ANK2: variants seen among roughly 807,000 people sequenced by gnomAD.
The protein encoded by ANK2 is ankyrin-2.
ANK2 carries 83 observed loss-of-function variants against 360.5 expected under a neutral mutation model. The observed-to-expected ratio is 0.23, with a 90% confidence interval of 0.19 to 0.28. The LOEUF is 0.28. Ranked by LOEUF, ANK2 falls within the 10% of genes least tolerant of loss-of-function variation. The pLI, the probability that ANK2 is intolerant of heterozygous loss-of-function variation, is 1.00. For missense variants in ANK2, 4,201 were observed against 4,795.7 expected, an observed-to-expected ratio of 0.88 and a Z score of 3.66; for synonymous variants, 1,740 against 1,759.5, an observed-to-expected ratio of 0.99 and a Z score of 0.28.
chr4:113,113,855 T>C (rs181499739), intron 1 of ANK2, among the ~76,000 whole-genome samples: 1 of 152,154 alleles, frequency 6.6e-6, no homozygotes, highest in Non-Finnish European at 1.5e-5. Flanking sequence ...CATAGTTAAG[T>C]TTGAGCAACA....
intron 13 of ANK2, among the ~76,000 whole-genome samples, chr4:113,262,056 A>G (rs969304332): frequency 6.6e-6 from 1 of 152,184 alleles, no homozygotes; most frequent in Non-Finnish European, 1.5e-5. Context: ...TTGTCTCTAC[A>G]TAAATAAATA....
At chr4:112,755,668 A>G in the ANK2 span, 3 of 164,606 alleles carry the variant, frequency 1.8e-5, no homozygotes, top group African/African-American at 7.2e-5. Flanking sequence ...AGTTAAGGCT[A>G]TTTTCACTTC....
At position 113,363,369 on chromosome 4, in the gene ANK2, G is replaced by A; in HGVS notation, c.10788G>A (p.Glu3596=). 1 of 1,613,374 alleles carries A rather than the reference G, an allele frequency of 6.2e-7. No individual in the cohort carries two copies. Among genetic ancestry groups the A allele is most frequent in the Non-Finnish European group, 8.5e-7 (1 of 1,179,612 alleles). The change falls in exon 40 of 46, where the codon GAG becomes GAA. Residue 3596 remains glutamate (E), a synonymous_variant. Transcript: ENST00000357077. ...ELARELDFTE[E]QIHQIRIENP... is the part of the protein sequence containing the mutation. ...CAAGAGAACTGGATTTCACTGAGGA[G>A]CAAATTCATCAAATTCGAATTGAAA...
rs2077507391 is a variant in ANK2 at position 112,883,870 on chromosome 4, G to GTATATATATGTATATATATGTGTA, written c.-39-20575_-39-20552dup. ...AAATATCATTCATTCATATATATAT[G>GTATATATATGTATATATATGTGTA]TATATATATGTATATATATGTGTAT... On this transcript the variant is annotated intron_variant, in intron 1 of 30. Coordinates refer to the ANK2 transcript ENST00000503271. 2.8e-5 allele frequency among the ~76,000 whole-genome samples: 4 copies of GTATATATATGTATATATATGTGTA among 141,570 alleles called. No individual in the cohort carries two copies. In the South Asian group the frequency reaches 8.7e-4, roughly 31 times the overall value. The allele number at this position is 141,570 out of a possible 152,430, so 92.9% of individuals were successfully genotyped here.
At chr4:113,232,404 A>G (rs2099319246) in intron 5 of ANK2, 145 bp downstream of exon 5, 1 of 687,720 alleles carries the variant, frequency 1.5e-6, no homozygotes, top group South Asian at 1.6e-5. Flanking sequence ...GTGGCTGTGA[A>G]CAAATGACTC....
intron 1 of ANK2, among the ~76,000 whole-genome samples, chr4:112,819,185 TAAA>T (rs58354540): frequency 0.028 from 4,311 of 152,200 alleles, 136 homozygotes; most frequent in African/African-American, 0.07. Flanking sequence ...AGACTGAAAA[TAAA>T]TGTGTGTGGT....
chr4:112,827,641 A>G (rs1007008600), intron 1 of ANK2: 2 of 777,944 alleles, frequency 2.6e-6, no homozygotes, highest in African/African-American at 1.7e-5. Flanking sequence ...CTTGCAATTT[A>G]CTGCCAAGGA....
At chr4:113,119,667 C>A (rs1201589877) in intron 1 of ANK2, among the ~76,000 whole-genome samples, 1 of 152,104 alleles carries the variant, frequency 6.6e-6, no homozygotes, top group Non-Finnish European at 1.5e-5. Context: ...ATATCATTTT[C>A]ATATCCATTT....
At chr4:112,743,067 A>G in the ANK2 span, among the ~76,000 whole-genome samples, 1 of 152,214 alleles carries the variant, frequency 6.6e-6, no homozygotes, top group Non-Finnish European at 1.5e-5. Flanking sequence ...TTCAGACTGT[A>G]AAAGAAAATC....
chr4:112,738,661 T>A, the ANK2 span: 1 of 572,814 alleles, frequency 1.7e-6, no homozygotes, highest in Non-Finnish European at 3.4e-6. Context: ...AGCCATCTCC[T>A]CCTCAGCATC....
At chr4:112,838,639 G>A (rs2061480955) in intron 1 of ANK2, among the ~76,000 whole-genome samples, 3 of 152,196 alleles carry the variant, frequency 2.0e-5, no homozygotes, top group Non-Finnish European at 2.9e-5. Context: ...AGGCCAAGGT[G>A]AGTGGATCAC....
At chr4:113,372,164 CAT>C (rs1418622406) in intron 43 of ANK2, among the ~76,000 whole-genome samples, 9 of 152,220 alleles carry the variant, frequency 5.9e-5, no homozygotes, top group African/African-American at 2.2e-4. Context: ...GTCAGTGGCT[CAT>C]AAGTGTTTAC....
At chr4:112,826,897 A>G (rs1010605204) in intron 1 of ANK2, 2 of 1,514,116 alleles carry the variant, frequency 1.3e-6, no homozygotes, top group East Asian at 2.3e-5. Context: ...GCAGGGGTCA[A>G]CCTTAATGAA....
chr4:113,197,717 A>G (rs1562817446), intron 3 of ANK2, among the ~76,000 whole-genome samples: 1 of 152,268 alleles, frequency 6.6e-6, no homozygotes, highest in Admixed American at 6.5e-5. Context: ...CAGAAATTAA[A>G]AAACAAAACA....
chr4:113,021,498 T>C (rs2058057605), intron 2 of ANK2, among the ~76,000 whole-genome samples: 2 of 133,994 alleles, frequency 1.5e-5, no homozygotes, highest in Admixed American at 8.0e-5. Context: ...TATGTGTATG[T>C]ATATATTATG....
the ANK2 span, among the ~76,000 whole-genome samples, chr4:112,754,140 TATATATATAA>T: frequency 3.0e-5 from 3 of 99,404 alleles, no homozygotes; most frequent in African/African-American, 7.4e-5. Context: ...TATATATATA[TATATATATAA>T]AATTGCATGG....
chr4:113,354,368 C>T lies in ANK2; in HGVS notation c.5750C>T (p.Ser1917Leu), dbSNP rs200929000. 1.2e-5 allele frequency: 20 copies of T among 1,614,066 alleles called. No individual in the cohort carries two copies. The East Asian group carries it at 2.5e-4, about 20-fold the overall frequency. The change falls in exon 38 of 46, where the codon TCG (serine) becomes TTG (leucine). Residue 1917 changes from serine to leucine, a missense_variant. Transcript: ENST00000357077. ...AAAACAGACAAACGTCCACCTGTAT[C>T]GCCCTCCGGGAGGACAGAAAAACAC... ...SGKTDKRPPV[S>L]PSGRTEKHPP... is the part of the protein sequence containing the mutation.
intron 1 of ANK2, chr4:112,827,367 T>C (rs764080278): frequency 2.2e-6 from 3 of 1,350,876 alleles, no homozygotes; most frequent in Non-Finnish European, 3.2e-6. Flanking sequence ...AGATACAGCA[T>C]AGAGATGCTA....
At chr4:112,841,333 A>G (rs2062033440) in intron 1 of ANK2, among the ~76,000 whole-genome samples, 1 of 152,182 alleles carries the variant, frequency 6.6e-6, no homozygotes, top group South Asian at 2.1e-4. Flanking sequence ...GAAGGCTTTC[A>G]TGTTATACGT....
Sources: allele counts gnomAD v4.1 joint callset (sites outside exome capture counted in the v4.1 genomes callset), GRCh38; gene constraint gnomAD v4.1.1; transcripts MANE v1.5; gene names NCBI Gene and HGNC (gene_info 2026-07-23, HGNC 2026-07-21).